KLHDC2: variants seen among roughly 807,000 people sequenced by gnomAD.
KLHDC2 encodes kelch domain-containing protein 2.
KLHDC2 carries 38 observed loss-of-function variants against 62.3 expected under a neutral mutation model. That is an observed-to-expected ratio of 0.61 (90% confidence interval 0.47 to 0.80). KLHDC2 has a LOEUF of 0.80. KLHDC2 is among the 30% of genes least tolerant of loss of function. The pLI is 0.00. For synonymous variants in KLHDC2, 159 were observed against 161.0 expected (o/e 0.99, Z 0.09); for missense variants, 430 against 495.3 (o/e 0.87, Z 1.25).
chr14:49,769,085 C>G (rs1214735990), intron 1 of KLHDC2: 1 of 154,724 alleles, frequency 6.5e-6, no homozygotes, highest in Non-Finnish European at 1.4e-5. Flanking sequence ...AACTGGAATT[C>G]CAAAAGGTTA....
intron 1 of KLHDC2, among the ~76,000 whole-genome samples, chr14:49,770,501 T>C (rs1889640469): frequency 6.6e-6 from 1 of 152,182 alleles, no homozygotes; most frequent in Non-Finnish European, 1.5e-5. Context: ...TTGACACCCA[T>C]TTTTGGCTAA....
intron 1 of KLHDC2, 113 bp downstream of exon 1, chr14:49,768,734 G>T (rs1889597392): frequency 3.9e-6 from 4 of 1,023,274 alleles, no homozygotes; most frequent in Admixed American, 3.5e-5. Flanking sequence ...CGCCTGCGTC[G>T]CGCGCCCCAC....
At chr14:49,779,723 T>C in intron 7 of KLHDC2, 25 bp from the exon 8 acceptor site, 1 of 1,604,448 alleles carries the variant, frequency 6.2e-7, no homozygotes, top group South Asian at 1.1e-5. Flanking sequence ...TTCTTCAAAA[T>C]GATAACTTAA....
In KLHDC2 at chr14:49,771,821, C is replaced by T. The variant is rs115418464; in HGVS notation, c.233+148C>T. On this transcript the variant is annotated intron_variant, in intron 2 of 12. Transcript: ENST00000298307. The stretch of plus-strand genomic sequence containing the variant: ...AGTTCAACACCAGGCTGGGGTGAAA[C>T]CCCATCTCTATTAAAAATACAAAAA... The T allele has an allele frequency of 5.8e-3, 3,050 of 524,120 alleles. 76 individuals are homozygous for T. The highest frequency in any genetic ancestry group is 0.054 in the African/African-American group (2,738 of 50,268). 32.5% of individuals were successfully genotyped at this position (524,120 alleles called of 1,614,324 possible).
chr14:49,782,878 A>G lies in KLHDC2; in HGVS notation c.1146A>G (p.Ser382=), dbSNP rs1395611517. ...VICFKEMLAN[S]WNCLPKHLLH... The stretch of plus-strand genomic sequence containing the variant: ...GCTTTAAAGAAATGTTAGCCAACTC[A>G]TGGAACTGCCTTCCAAAACACTTAC... The change falls in exon 13 of 13, where the codon TCA becomes TCG. Residue 382 remains serine (S), a synonymous_variant. Coordinates refer to ENST00000298307, the MANE Select transcript of KLHDC2 (RefSeq NM_014315.3). 6.2e-7 allele frequency: 1 copy of G among 1,613,624 alleles called. No homozygotes were observed. The highest frequency in any genetic ancestry group is 1.3e-5 in the African/African-American group (1 of 74,916).
At chr14:49,780,522 C>T (rs994434022) in intron 9 of KLHDC2, 181 bp from the exon 10 acceptor site, 1 of 640,770 alleles carries the variant, frequency 1.6e-6, no homozygotes, top group South Asian at 1.9e-5. Flanking sequence ...CACTTAAGAG[C>T]CCTGCTGAAG....
In KLHDC2 at chr14:49,783,099, T is replaced by G; in HGVS notation, c.*146T>G. 1.5e-6 allele frequency: 1 copy of G among 651,042 alleles called. No individual in the cohort carries two copies. The highest frequency in any genetic ancestry group is 3.0e-5 in the East Asian group (1 of 32,978). 40.3% of individuals were successfully genotyped at this position (651,042 alleles called of 1,614,324 possible). A position where few individuals can be genotyped will look rare whatever the true frequency, so the allele number is the denominator to read the frequency against. The stretch of plus-strand genomic sequence containing the variant: ...GCATGTGAATGGCCTAGAGAACCTA[T>G]TTTTGTGTCTAAAGTTTACAATAAA... On this transcript the variant is annotated 3_prime_UTR_variant, in exon 13 of 13. Transcript: ENST00000298307.
rs1250842917 is a variant in KLHDC2 at position 49,783,685 on chromosome 14, T to C, written c.*732T>C. On this transcript the variant is annotated 3_prime_UTR_variant, in exon 13 of 13. Transcript: ENST00000298307. Reference sequence around the variant, plus strand: ...TCTGGTATTATAGGTTAAGATACTCTAACGTGCTATATTGGTAATTAATTA... The same window carrying C: ...TCTGGTATTATAGGTTAAGATACTCCAACGTGCTATATTGGTAATTAATTA... The C allele has an allele frequency of 6.6e-6, 1 of 152,140 alleles. No individual in the cohort carries two copies. The highest frequency in any genetic ancestry group is 2.4e-5 in the African/African-American group (1 of 41,432). The allele number at this position is 152,140 out of a possible 1,614,324, so 9.4% of individuals were successfully genotyped here. A position where few individuals can be genotyped will look rare whatever the true frequency, so the allele number is the denominator to read the frequency against.
At chr14:49,782,514 A>C (rs1447222789) in intron 11 of KLHDC2, 28 bp from the exon 12 acceptor site, 2 of 1,600,482 alleles carry the variant, frequency 1.2e-6, no homozygotes, top group Non-Finnish European at 1.7e-6. Flanking sequence ...ATTTGCTTTT[A>C]AATGTGTTCT....
intron 6 of KLHDC2, among the ~76,000 whole-genome samples, chr14:49,779,318 G>A (rs184301193): frequency 2.0e-5 from 3 of 151,980 alleles, no homozygotes; most frequent in Non-Finnish European, 2.9e-5. Context: ...TCCCTTTGAC[G>A]CAGATATTAT....
At position 49,783,040 on chromosome 14, in the gene KLHDC2, C is replaced by A; in HGVS notation, c.*87C>A. The A allele has an allele frequency of 7.1e-7, 1 of 1,413,642 alleles. No individual in the cohort carries two copies. The highest frequency in any genetic ancestry group is 9.7e-7 in the Non-Finnish European group (1 of 1,034,906). 87.6% of individuals were successfully genotyped at this position (1,413,642 alleles called of 1,614,324 possible). On this transcript the variant is annotated 3_prime_UTR_variant, in exon 13 of 13. Coordinates refer to ENST00000298307, the MANE Select transcript of KLHDC2 (RefSeq NM_014315.3). Reference sequence around the variant, plus strand: ...GTGGCATCATTTGTATAATTATATGCATTGTTGTAGTTTGCACCTGTTGGT... The same window carrying A: ...GTGGCATCATTTGTATAATTATATGAATTGTTGTAGTTTGCACCTGTTGGT...
In KLHDC2 at chr14:49,784,581, C is replaced by A; in HGVS notation, c.*1628C>A. 7.9e-7 allele frequency: 1 copy of A among 1,259,782 alleles called. No homozygotes were observed. The highest frequency in any genetic ancestry group is 1.1e-6 in the Non-Finnish European group (1 of 873,368). 78.0% of individuals were successfully genotyped at this position (1,259,782 alleles called of 1,614,324 possible). ...GATACATGGTGCTTTCATCTTTGAA[C>A]TTCCAAAAGGCTATAAAATTGGCTC... On this transcript the variant is annotated 3_prime_UTR_variant, in exon 13 of 13. Coordinates refer to ENST00000298307, the MANE Select transcript of KLHDC2 (RefSeq NM_014315.3).
rs1486661072 is a variant in KLHDC2, at chr14:49,778,420, C to T, written c.559C>T (p.His187Tyr). Reference protein sequence around the residue: ...FDETSFWNSSHPRGWNDHVHI... With the variant: ...FDETSFWNSSYPRGWNDHVHI... ...TTCTTATTTTCTGTAGAATTCAAGT[C>T]ATCCAAGAGGATGGAATGATCATGT... The change falls in exon 6 of 13, where the codon CAT becomes TAT. Residue 187 changes from histidine (H) to tyrosine (Y), a missense_variant. By Grantham distance (83) the His-to-Tyr change is moderately conservative. Coordinates refer to ENST00000298307, the MANE Select transcript of KLHDC2 (RefSeq NM_014315.3). The T allele has an allele frequency of 3.2e-6, 5 of 1,570,920 alleles. No homozygotes were observed. In the South Asian group the frequency reaches 3.4e-5, roughly 11 times the overall value.
In KLHDC2 at chr14:49,778,633, A is replaced by G. The variant is rs1242542804; in HGVS notation, c.633+139A>G. 3.4e-5 allele frequency: 20 copies of G among 580,854 alleles called. 1 individual carries two copies. The highest frequency in any genetic ancestry group is 4.6e-4 in the Middle Eastern group (1 of 2,196). 36.0% of individuals were successfully genotyped at this position (580,854 alleles called of 1,614,324 possible). On this transcript the variant is annotated intron_variant, in intron 6 of 12. Coordinates refer to ENST00000298307, the MANE Select transcript of KLHDC2 (RefSeq NM_014315.3). Reference sequence around the variant, plus strand: ...TTCTTGTTTTCTGGGGAGAAGATCCATAACTTTAATGATTTCCAAGGACTC... The same window carrying G: ...TTCTTGTTTTCTGGGGAGAAGATCCGTAACTTTAATGATTTCCAAGGACTC...
chr14:49,779,603 A>G lies in KLHDC2; in HGVS notation c.642A>G (p.Ala214=). Residue 214 remains alanine (A), a synonymous_variant, in exon 7 of 13, where the codon GCA becomes GCG. Transcript: ENST00000298307. ...TTATGTGCCTCTAATAGGGTAAAGC[A>G]CCTTCACCTCGTGCTGCCCATGCCT... is the stretch of plus-strand genomic sequence containing the variant. ...TWSQPITTGK[A]PSPRAAHACA... 1.2e-6 allele frequency: 2 copies of G among 1,613,854 alleles called. No homozygotes were observed. The highest frequency in any genetic ancestry group is 1.7e-6 in the Non-Finnish European group (2 of 1,179,778).
chr14:49,775,570 T>A lies in KLHDC2; in HGVS notation c.351+892T>A, dbSNP rs1282861572. Reference sequence around the variant, plus strand: ...AAGAGGTGATGCTTGAACTGAATAATAAAATTGGAAGGAGTAGCCAAGATA... The same window carrying A: ...AAGAGGTGATGCTTGAACTGAATAAAAAAATTGGAAGGAGTAGCCAAGATA... On this transcript the variant is annotated intron_variant, in intron 3 of 12. Transcript: ENST00000298307. Among the ~76,000 whole-genome samples the A allele has an allele frequency of 5.4e-5, 8 of 147,750 alleles. No individual in the cohort carries two copies. The East Asian group carries it at 1.4e-3, about 25-fold the overall frequency.
intron 2 of KLHDC2, among the ~76,000 whole-genome samples, chr14:49,771,950 C>G (rs1889673902): frequency 6.6e-6 from 1 of 152,152 alleles, no homozygotes; most frequent in Admixed American, 6.5e-5. Flanking sequence ...GAGATCGAGC[C>G]ACTGCACTCC....
intron 2 of KLHDC2, among the ~76,000 whole-genome samples, chr14:49,772,933 G>T (rs1238314044): frequency 6.6e-6 from 1 of 152,080 alleles, no homozygotes; most frequent in African/African-American, 2.4e-5. Flanking sequence ...TCCAGCCTGG[G>T]TAATACAGTG....
chr14:49,777,958 A>G lies in KLHDC2; in HGVS notation c.467+4A>G. ...GTGTCTGGGTATATAAAAACAAGTAAGTTGGCAGCACTACAGGTTTGGGTT... is the reference window on the plus strand; with the variant it reads ...GTGTCTGGGTATATAAAAACAAGTAGGTTGGCAGCACTACAGGTTTGGGTT... On this transcript the variant is annotated splice_donor_region_variant and intron_variant, in intron 4 of 12. Coordinates refer to ENST00000298307, the MANE Select transcript of KLHDC2 (RefSeq NM_014315.3). 1.3e-6 allele frequency: 2 copies of G among 1,546,118 alleles called. No homozygotes were observed. The highest frequency in any genetic ancestry group is 1.8e-6 in the Non-Finnish European group (2 of 1,123,058).
Sources: allele counts gnomAD v4.1 joint callset (sites outside exome capture counted in the v4.1 genomes callset), GRCh38; gene constraint gnomAD v4.1.1; transcripts MANE v1.5; gene names NCBI Gene and HGNC (gene_info 2026-07-23, HGNC 2026-07-21).